Variants in FAM184A observed in about 807,000 individuals in gnomAD.
FAM184A encodes the protein protein FAM184A.
Under a neutral mutation model 143.8 loss-of-function variants are expected in FAM184A, and 99 were observed. The ratio of observed to expected loss-of-function variants is 0.69; its 90% CI spans 0.58 to 0.81. The LOEUF is 0.81. FAM184A is among the 40% of genes least tolerant of loss of function. The probability of loss-of-function intolerance (pLI) is 0.00; values close to 1 mark genes in which losing one functional copy is unlikely to be tolerated. For missense variants in FAM184A, 1,217 were observed against 1,310.5 expected (o/e 0.93, Z 1.10); for synonymous variants, 427 against 446.4 (o/e 0.96, Z 0.55).
chr6:119,015,172 AGAGCCCTCG>A (rs2114668487), intron 5 of FAM184A, among the ~76,000 whole-genome samples: 1 of 152,206 alleles, frequency 6.6e-6, no homozygotes, highest in East Asian at 1.9e-4. Flanking sequence ...GGCAGTCCTC[AGAGCCCTCG>A]CTTGCTCTCG....
intron 4 of FAM184A, among the ~76,000 whole-genome samples, chr6:119,018,660 G>A (rs542467785): frequency 6.0e-4 from 92 of 152,282 alleles, no homozygotes; most frequent in African/African-American, 2.1e-3. Flanking sequence ...AATCATCTTG[G>A]AAGCAGGCTG....
At chr6:118,979,288 G>A in intron 11 of FAM184A, 77 bp downstream of exon 11, 4 of 1,368,238 alleles carry the variant, frequency 2.9e-6, no homozygotes, top group Non-Finnish European at 4.0e-6. Flanking sequence ...AATAAAACTT[G>A]GTGATTTTAT....
intron 1 of FAM184A, among the ~76,000 whole-genome samples, chr6:119,048,749 G>A (rs530636084): frequency 6.6e-6 from 1 of 152,266 alleles, no homozygotes; most frequent in South Asian, 2.1e-4. Flanking sequence ...GTAGAATGAT[G>A]GTTACCAGAG....
intron 1 of FAM184A, among the ~76,000 whole-genome samples, chr6:119,028,154 G>C (rs1266723911): frequency 6.6e-6 from 1 of 152,192 alleles, no homozygotes; most frequent in Non-Finnish European, 1.5e-5. Flanking sequence ...AGGGAGGCCA[G>C]ATTTGAGCAT....
intron 1 of FAM184A, among the ~76,000 whole-genome samples, chr6:119,067,829 G>T (rs2114780943): frequency 6.6e-6 from 1 of 152,140 alleles, no homozygotes; most frequent in Admixed American, 6.5e-5. Context: ...AAATATAGCT[G>T]GGCACAGTGG....
Position 119,078,200 on chromosome 6 carries a change from T to G in FAM184A, c.100A>C (p.Met34Leu). The change falls in exon 1 of 18, where the codon ATG becomes CTG. Residue 34 changes from methionine (M) to leucine (L), a missense_variant. Physicochemically the swap from Met to Leu is conservative, Grantham distance 15. Coordinates refer to ENST00000338891, the MANE Select transcript of FAM184A (RefSeq NM_024581.6). This position sits in a 1 kb window ranked among gnomAD's most constrained non-coding sequence, Gnocchi z 5.5. ...PATAQLAGHS[M>L]DYSQEMHLKM... ...AGGTGCATCTCCTGGCTGTAGTCCATGCTGTGCCCAGCCAGCTGTGCGGTG... is the reference window on the plus strand; with the variant it reads ...AGGTGCATCTCCTGGCTGTAGTCCAGGCTGTGCCCAGCCAGCTGTGCGGTG... 6.3e-7 allele frequency: 1 copy of G among 1,579,084 alleles called. No homozygotes were observed. Among genetic ancestry groups the G allele is most frequent in the Non-Finnish European group, 8.6e-7 (1 of 1,165,148 alleles).
intron 1 of FAM184A, among the ~76,000 whole-genome samples, chr6:119,121,869 G>T (rs890483098): frequency 1.3e-5 from 2 of 152,052 alleles, no homozygotes; most frequent in Non-Finnish European, 2.9e-5. Context: ...AACATAATTT[G>T]GCCCTATTTA....
intron 10 of FAM184A, among the ~76,000 whole-genome samples, chr6:118,979,879 C>CAAA (rs57478039): frequency 7.1e-6 from 1 of 141,192 alleles, no homozygotes. Context: ...CCTGTTTCTA[C>CAAA]AAAAAAAAAA....
chr6:119,025,990 G>A (rs905421322), intron 1 of FAM184A, among the ~76,000 whole-genome samples: 1 of 152,100 alleles, frequency 6.6e-6, no homozygotes, highest in Admixed American at 6.6e-5. Flanking sequence ...GATCCCACTC[G>A]CTAAAGATAG....
Position 119,011,321 on chromosome 6 carries a change from T to G in FAM184A, c.1641A>C (p.Thr547=), listed in dbSNP as rs777402760. The change falls in exon 6 of 18, where the codon ACA becomes ACC. Residue 547 remains threonine (T), a synonymous_variant. Transcript: ENST00000338891. ...AAAGAATTCTTGCCTCTTGATTGGC[T>G]GTATTCAACTTGTCTTCCAGTACTT... ...LKEVLEDKLN[T]ANQEIGHLQD... is the part of the protein sequence containing the mutation. 1 of 1,608,506 alleles carries G rather than the reference T, an allele frequency of 6.2e-7. No homozygotes were observed. The highest frequency in any genetic ancestry group is 1.1e-5 in the South Asian group (1 of 89,732).
At chr6:119,055,995 A>G (rs1786958835) in intron 1 of FAM184A, among the ~76,000 whole-genome samples, 2 of 152,176 alleles carry the variant, frequency 1.3e-5, no homozygotes, top group Non-Finnish European at 2.9e-5. Flanking sequence ...GTGGTAAATA[A>G]CAAAGAGAAT....
intron 1 of FAM184A, among the ~76,000 whole-genome samples, chr6:119,119,530 T>G (rs1193190176): frequency 6.6e-6 from 1 of 152,200 alleles, no homozygotes; most frequent in Non-Finnish European, 1.5e-5. Context: ...CAGGTTCCCC[T>G]GATAATGAGT....
At chr6:119,032,471 C>T (rs1279709920) in intron 1 of FAM184A, among the ~76,000 whole-genome samples, 1 of 97,194 alleles carries the variant, frequency 1.0e-5, no homozygotes, top group African/African-American at 4.1e-5. Flanking sequence ...CCTTCCAGAC[C>T]AGGGAGGGGG....
intron 5 of FAM184A, among the ~76,000 whole-genome samples, chr6:119,015,856 C>A (rs2114670583): frequency 6.6e-6 from 1 of 152,316 alleles, no homozygotes; most frequent in East Asian, 1.9e-4. Context: ...CAATCAGCAC[C>A]CTGTGTTTAG....
Position 118,974,470 on chromosome 6 carries a change from G to A in FAM184A, c.2873C>T (p.Thr958Ile). 1 of 1,612,504 alleles carries A rather than the reference G, an allele frequency of 6.2e-7. No individual in the cohort carries two copies. The highest frequency in any genetic ancestry group is 8.5e-7 in the Non-Finnish European group (1 of 1,179,140). Reference protein sequence around the residue: ...KNIMRADFNKTNELLKEINAA... With the variant: ...KNIMRADFNKINELLKEINAA... ...ATTTATTTCCTTGAGTAGCTCGTTA[G>A]TCTTATTAAAATCTGCCCGCATGAT... The change falls in exon 14 of 18, where the codon ACT becomes ATT. Residue 958 changes from threonine to isoleucine, a missense_variant. Physicochemically the swap from Thr to Ile is moderately conservative, Grantham distance 89. Transcript: ENST00000338891.
At chr6:118,978,968 T>C (rs1446395838) in intron 11 of FAM184A, among the ~76,000 whole-genome samples, 1 of 152,202 alleles carries the variant, frequency 6.6e-6, no homozygotes, top group African/African-American at 2.4e-5. Context: ...GAGTCAGACC[T>C]AATACTGACT....
Position 118,961,758 on chromosome 6 carries a change from C to T in FAM184A, c.3341+3G>A. 6.2e-7 allele frequency: 1 copy of T among 1,612,682 alleles called. No individual in the cohort carries two copies. The highest frequency in any genetic ancestry group is 8.5e-7 in the Non-Finnish European group (1 of 1,178,918). On this transcript the variant is annotated splice_donor_region_variant and intron_variant, in intron 17 of 17. Transcript: ENST00000338891. Reference sequence around the variant, plus strand: ...AAAAAAACATTGGTGAGACGGGTCTCACCTCAAAAATGTCTTGGGCCCTTT... The same window carrying T: ...AAAAAAACATTGGTGAGACGGGTCTTACCTCAAAAATGTCTTGGGCCCTTT...
chr6:119,066,793 C>G (rs188688791), intron 1 of FAM184A, among the ~76,000 whole-genome samples: 3 of 152,238 alleles, frequency 2.0e-5, no homozygotes, highest in African/African-American at 7.2e-5. Context: ...AAAGTGTGGA[C>G]AGATATGAAT....
chr6:118,961,065 GA>G (rs1009330369), intron 17 of FAM184A, among the ~76,000 whole-genome samples: 1 of 150,972 alleles, frequency 6.6e-6, no homozygotes, highest in Admixed American at 6.6e-5. Context: ...GTAAGAATAA[GA>G]AAAAAAACAT....
Sources: allele counts gnomAD v4.1 joint callset (sites outside exome capture counted in the v4.1 genomes callset), GRCh38; gene constraint gnomAD v4.1.1; non-coding constraint Gnocchi (gnomAD v3.1); transcripts MANE v1.5; gene names NCBI Gene and HGNC (gene_info 2026-07-23, HGNC 2026-07-21).